Variants in CHIT1 observed in about 807,000 individuals in gnomAD.
CHIT1 encodes chitotriosidase-1.
Under a neutral mutation model 52.0 loss-of-function variants are expected in CHIT1, and 47 were observed. That is an observed-to-expected ratio of 0.90 (90% confidence interval 0.71 to 1.15). The LOEUF (loss-of-function observed/expected upper bound fraction) is 1.15, where lower values mean the gene tolerates loss of function less well. Ranked by LOEUF, CHIT1 falls within the 50% of genes most tolerant of loss-of-function variation. The pLI is 0.00. For missense variants in CHIT1, 569 were observed against 583.0 expected (o/e 0.98, Z 0.25); for synonymous variants, 242 against 228.2 (o/e 1.06, Z -0.54).
rs1162926546 is a variant in CHIT1, at chr1:203,216,643, C to G, written c.*246G>C. On this transcript the variant is annotated 3_prime_UTR_variant, in exon 11 of 11. Coordinates refer to ENST00000367229, the MANE Select transcript of CHIT1 (RefSeq NM_003465.3). ...TGGAGTCAACAGTGTGCTTAGAGAGCCTCTTAAGTCACCACATCTTTGGGA... is the reference window on the plus strand; with the variant it reads ...TGGAGTCAACAGTGTGCTTAGAGAGGCTCTTAAGTCACCACATCTTTGGGA... 1.7e-6 allele frequency: 1 copy of G among 596,694 alleles called. No homozygotes were observed. The highest frequency in any genetic ancestry group is 3.1e-6 in the Non-Finnish European group (1 of 321,066). The allele number at this position is 596,694 out of a possible 1,614,324, so 37.0% of individuals were successfully genotyped here.
chr1:203,229,476 G>C (rs1018044120), intron 1 of CHIT1, 136 bp downstream of exon 1: 8 of 947,534 alleles, frequency 8.4e-6, no homozygotes, highest in African/African-American at 1.6e-5. Context: ...AGGAGGCATG[G>C]AGAGGGATAA....
intron 4 of CHIT1, among the ~76,000 whole-genome samples, chr1:203,224,577 A>G (rs1298173622): frequency 6.6e-6 from 1 of 152,220 alleles, no homozygotes; most frequent in Non-Finnish European, 1.5e-5. Flanking sequence ...TCCATAAATC[A>G]TTTAAAAAAT....
chr1:203,228,384 A>G (rs1657002902), intron 2 of CHIT1, 149 bp downstream of exon 2: 2 of 833,400 alleles, frequency 2.4e-6, no homozygotes, highest in Non-Finnish European at 4.0e-6. Context: ...GGCTGGTAGC[A>G]GATGGGGACA....
chr1:203,227,914 C>G (rs1236134643), intron 2 of CHIT1, among the ~76,000 whole-genome samples: 2 of 152,176 alleles, frequency 1.3e-5, no homozygotes, highest in Admixed American at 6.5e-5. Flanking sequence ...TTCTGAGAGG[C>G]CAGCATTCCC....
At chr1:203,219,147 C>T (rs1300567604) in intron 9 of CHIT1, 69 bp downstream of exon 9, 2 of 838,864 alleles carry the variant, frequency 2.4e-6, no homozygotes, top group African/African-American at 1.7e-5. Flanking sequence ...CCTGAACTGT[C>T]CTCATTCCAT....
Position 203,216,854 on chromosome 1 carries a change from A to T in CHIT1, c.*35T>A. On this transcript the variant is annotated 3_prime_UTR_variant, in exon 11 of 11. Transcript: ENST00000367229. ...CAGGCTGTAGAGTGATCCTGGGCCC[A>T]GCCTCAAAGCTGGGACTGGAGGGGC... 1 of 1,613,146 alleles carries T rather than the reference A, an allele frequency of 6.2e-7. No homozygotes were observed. The highest frequency in any genetic ancestry group is 8.5e-7 in the Non-Finnish European group (1 of 1,180,012).
chr1:203,217,994 T>A, intron 9 of CHIT1, 129 bp from the exon 10 acceptor site: 1 of 1,536,942 alleles, frequency 6.5e-7, no homozygotes, highest in African/African-American at 1.4e-5. Flanking sequence ...GGCTGTAGAT[T>A]CTGGAGACAG....
At chr1:203,229,495 T>A in intron 1 of CHIT1, 117 bp downstream of exon 1, 1 of 1,195,044 alleles carries the variant, frequency 8.4e-7, no homozygotes, top group Non-Finnish European at 1.2e-6. Flanking sequence ...AAAATGACCC[T>A]CTGAAGTTCT....
chr1:203,218,209 A>G (rs1378521281), intron 9 of CHIT1: 3 of 834,306 alleles, frequency 3.6e-6, no homozygotes, highest in Non-Finnish European at 5.0e-6. Context: ...AGGGTATTGT[A>G]TGCTGGTCAA....
At position 203,216,891 on chromosome 1, in the gene CHIT1, A is replaced by G; in HGVS notation, c.1399T>C (p.Ter467ArgextTer79). The change falls in exon 11 of 11, where the codon TGA becomes CGA. Residue 467 changes from the stop codon to arginine (R), a stop_lost. Coordinates refer to ENST00000367229, the MANE Select transcript of CHIT1 (RefSeq NM_003465.3). ...SNSCKCCTWN[*>R] is the part of the protein sequence containing the mutation. ...GGGACTGGAGGGGCTTTAGCGACTC[A>G]ATTCCAGGTGCAGCATTTGCAGGAG... The G allele has an allele frequency of 6.2e-7, 1 of 1,614,096 alleles. No individual in the cohort carries two copies.
At chr1:203,222,754 T>A (rs1024119298) in intron 6 of CHIT1, among the ~76,000 whole-genome samples, 20 of 152,008 alleles carry the variant, frequency 1.3e-4, no homozygotes, top group African/African-American at 4.8e-4. Context: ...AGCACCTGGT[T>A]TTAATGAGGG....
chr1:203,223,032 G>A (rs907069882), intron 6 of CHIT1, 103 bp downstream of exon 6: 6 of 1,488,044 alleles, frequency 4.0e-6, no homozygotes, highest in East Asian at 2.3e-5. Flanking sequence ...CTTTCCAAAT[G>A]CCTTGTAGAT....
At position 203,222,269 on chromosome 1, in the gene CHIT1, A is replaced by G. The variant is rs1656766948; in HGVS notation, c.662T>C (p.Val221Ala). ...AYDFHGSWEK[V>A]TGHNSPLYKR... Reference sequence around the variant, plus strand: ...GTAGAGGGGGCTGTTATGTCCCGTGACCTTCTCCCAAGAGCCATGGAAGTC... The same window carrying G: ...GTAGAGGGGGCTGTTATGTCCCGTGGCCTTCTCCCAAGAGCCATGGAAGTC... The change falls in exon 7 of 11, where the codon GTC becomes GCC. Residue 221 changes from valine to alanine, a missense_variant. Val to Ala is a moderately conservative substitution (Grantham distance 64). Coordinates refer to ENST00000367229, the MANE Select transcript of CHIT1 (RefSeq NM_003465.3). 1.2e-6 allele frequency: 2 copies of G among 1,614,022 alleles called. No homozygotes were observed. Among genetic ancestry groups the G allele is most frequent in the Admixed American group, 3.3e-5 (2 of 59,990 alleles).
At chr1:203,218,194 A>G in intron 9 of CHIT1, 1 of 1,089,034 alleles carries the variant, frequency 9.2e-7, no homozygotes, top group African/African-American at 1.6e-5. Flanking sequence ...GAGCTGCTTT[A>G]TTTAAGGGTA....
intron 4 of CHIT1, 32 bp downstream of exon 4, chr1:203,225,016 C>A (rs1220453947): frequency 6.2e-7 from 1 of 1,605,474 alleles, no homozygotes; most frequent in African/African-American, 1.3e-5. Flanking sequence ...CATCCAGGAG[C>A]TTTACCACAC....
intron 1 of CHIT1, 93 bp downstream of exon 1, chr1:203,229,519 G>C: frequency 6.8e-7 from 1 of 1,463,152 alleles, no homozygotes; most frequent in Non-Finnish European, 9.5e-7. Flanking sequence ...GAGTCCTCCT[G>C]CTTCCTTGCA....
At chr1:203,227,431 G>T (rs1224919521) in intron 2 of CHIT1, among the ~76,000 whole-genome samples, 1 of 152,200 alleles carries the variant, frequency 6.6e-6, no homozygotes, top group Non-Finnish European at 1.5e-5. Flanking sequence ...ATCAAATATT[G>T]TTATGAATTT....
chr1:203,228,350 A>G (rs1657002143), intron 2 of CHIT1, among the ~76,000 whole-genome samples, 183 bp downstream of exon 2: 1 of 152,218 alleles, frequency 6.6e-6, no homozygotes, highest in African/African-American at 2.4e-5. Flanking sequence ...CTAATGGATA[A>G]GGAGGCAAGA....
At chr1:203,224,677 C>A (rs529285585) in intron 4 of CHIT1, among the ~76,000 whole-genome samples, 1 of 152,198 alleles carries the variant, frequency 6.6e-6, no homozygotes, top group Non-Finnish European at 1.5e-5. Flanking sequence ...CTTTCTGGGA[C>A]AAGGTACCCC....
Sources: gnomAD v4.1 joint callset for allele counts (sites outside exome capture counted in the v4.1 genomes callset) on GRCh38, gnomAD v4.1.1 for gene constraint, MANE v1.5 for transcripts, NCBI Gene and HGNC (gene_info 2026-07-23, HGNC 2026-07-21) for gene names.